Variants in CNTN5 observed in about 807,000 individuals in gnomAD.
CNTN5 encodes the protein contactin 5, also known as contactin-5.
CNTN5 carries 77 observed loss-of-function variants against 129.1 expected under a neutral mutation model. The ratio of observed to expected loss-of-function variants is 0.60; its 90% CI spans 0.50 to 0.72. CNTN5 has a LOEUF of 0.72. CNTN5 is among the 30% of genes least tolerant of loss of function. The pLI is 0.00. For missense variants in CNTN5, 1,478 were observed against 1,328.8 expected (o/e 1.11, Z -1.75); for synonymous variants, 509 against 465.6 (o/e 1.09, Z -1.20).
chr11:99,083,398 A>C (rs1201993887), intron 1 of CNTN5, among the ~76,000 whole-genome samples: 3 of 152,204 alleles, frequency 2.0e-5, no homozygotes, highest in Non-Finnish European at 4.4e-5. Flanking sequence ...ATCAGGTGGC[A>C]CTTCAGACGC....
At chr11:99,509,294 T>C (rs1946745351) in intron 2 of CNTN5, among the ~76,000 whole-genome samples, 1 of 152,144 alleles carries the variant, frequency 6.6e-6, no homozygotes, top group Non-Finnish European at 1.5e-5. Flanking sequence ...CAGGGTGTAC[T>C]AAAAAACTAA....
chr11:99,889,529 C>CTT (rs59095048), intron 6 of CNTN5, among the ~76,000 whole-genome samples: 10 of 128,274 alleles, frequency 7.8e-5, no homozygotes, highest in Non-Finnish European at 1.3e-4. Flanking sequence ...ACTAGACATT[C>CTT]TTTTTTTTTT....
At chr11:100,212,890 T>C (rs1178615935) in intron 15 of CNTN5, among the ~76,000 whole-genome samples, 1 of 152,120 alleles carries the variant, frequency 6.6e-6, no homozygotes, top group Admixed American at 6.6e-5. Flanking sequence ...CTCATAAATA[T>C]TGCAAACTTT....
At chr11:99,700,634 A>G (rs535468638) in intron 3 of CNTN5, among the ~76,000 whole-genome samples, 1 of 151,500 alleles carries the variant, frequency 6.6e-6, no homozygotes, top group South Asian at 2.1e-4. Context: ...TAAAAGCCTT[A>G]ATTTTGTCAT....
At chr11:99,509,089 G>T (rs1307180134) in intron 2 of CNTN5, among the ~76,000 whole-genome samples, 1 of 152,112 alleles carries the variant, frequency 6.6e-6, no homozygotes, top group Non-Finnish European at 1.5e-5. Context: ...GATATGGGGG[G>T]AATATATCTT....
At chr11:99,320,588 C>T (rs1374883809) in intron 1 of CNTN5, among the ~76,000 whole-genome samples, 1 of 151,306 alleles carries the variant, frequency 6.6e-6, no homozygotes, top group Non-Finnish European at 1.5e-5. Flanking sequence ...TTCTAAGGCA[C>T]AGAAAAAGAA....
rs140960652 is a variant in CNTN5 at position 100,036,007 on chromosome 11, G to A, written c.981-25205G>A. On this transcript the variant is annotated intron_variant, in intron 9 of 24. Transcript: ENST00000524871. ...TATGTCAATTTTGGCTTTTGGTGCC[G>A]TTGCTTTTGGTGTTTGAGACGTGAA... Among the ~76,000 whole-genome samples the A allele has an allele frequency of 8.5e-3, 1,295 of 152,146 alleles. 16 individuals carry two copies. Among genetic ancestry groups the A allele is most frequent in the African/African-American group, 0.028 (1,142 of 41,522 alleles).
intron 3 of CNTN5, among the ~76,000 whole-genome samples, chr11:99,699,329 A>G (rs1456855393): frequency 6.6e-6 from 1 of 151,512 alleles, no homozygotes; most frequent in African/African-American, 2.4e-5. Context: ...AACATCTAAA[A>G]AACTTTTTAA....
chr11:99,481,698 A>T (rs185539899), intron 2 of CNTN5, among the ~76,000 whole-genome samples: 3 of 152,222 alleles, frequency 2.0e-5, no homozygotes, highest in Admixed American at 6.5e-5. Flanking sequence ...CTAAGTGTTG[A>T]CAACCACCTT....
intron 1 of CNTN5, among the ~76,000 whole-genome samples, chr11:99,277,957 T>C (rs1397601564): frequency 6.6e-6 from 1 of 151,732 alleles, no homozygotes; most frequent in Admixed American, 6.6e-5. Flanking sequence ...GAGGAAGTTC[T>C]GATTATTGAG....
At chr11:99,422,533 TATATATATA>T (rs1281816512) in intron 2 of CNTN5, among the ~76,000 whole-genome samples, 1 of 56,240 alleles carries the variant, frequency 1.8e-5, no homozygotes, top group African/African-American at 6.9e-5. Flanking sequence ...TATATATATA[TATATATATA>T]TATATATATA....
intron 13 of CNTN5, among the ~76,000 whole-genome samples, chr11:100,080,051 G>A (rs1481709123): frequency 6.6e-6 from 1 of 152,084 alleles, no homozygotes; most frequent in Non-Finnish European, 1.5e-5. Context: ...TTTGATAAAG[G>A]TATAGTTTAT....
At chr11:99,287,240 T>A (rs762901833) in intron 1 of CNTN5, among the ~76,000 whole-genome samples, 4 of 152,138 alleles carry the variant, frequency 2.6e-5, no homozygotes, top group Non-Finnish European at 5.9e-5. Flanking sequence ...ATCCTTTCAA[T>A]TAGGAAATAC....
At chr11:99,511,229 T>A (rs1370198535) in intron 2 of CNTN5, among the ~76,000 whole-genome samples, 1 of 152,112 alleles carries the variant, frequency 6.6e-6, no homozygotes, top group Non-Finnish European at 1.5e-5. Context: ...TCCCAGAGAT[T>A]CTGGTATGTG....
intron 2 of CNTN5, among the ~76,000 whole-genome samples, chr11:99,422,085 G>T (rs191791616): frequency 6.6e-6 from 1 of 152,094 alleles, no homozygotes; most frequent in African/African-American, 2.4e-5. Context: ...AAGTCAGTGA[G>T]AGGCGGAAAT....
chr11:100,127,095 ATTTTTT>A (rs5794039), intron 13 of CNTN5, among the ~76,000 whole-genome samples: 7 of 85,608 alleles, frequency 8.2e-5, no homozygotes, highest in South Asian at 5.2e-4. Context: ...TGCGCAGCTA[ATTTTTT>A]TTTTTTTTTT....
At chr11:100,241,026 G>A (rs917057433) in intron 16 of CNTN5, among the ~76,000 whole-genome samples, 29 of 152,114 alleles carry the variant, frequency 1.9e-4, no homozygotes, top group African/African-American at 6.3e-4. Context: ...CCCAATATTG[G>A]ATTTATAGAA....
chr11:99,969,729 T>G, intron 8 of CNTN5, among the ~76,000 whole-genome samples: 1 of 152,178 alleles, frequency 6.6e-6, no homozygotes, highest in East Asian at 1.9e-4. Context: ...CATTTGTACC[T>G]TTCACTGTCT....
intron 3 of CNTN5, among the ~76,000 whole-genome samples, chr11:99,579,115 A>C (rs1949475686): frequency 6.6e-6 from 1 of 152,036 alleles, no homozygotes; most frequent in African/African-American, 2.4e-5. Flanking sequence ...TGTTTTTGTC[A>C]GGTTTGTCAA....
Sources: gnomAD v4.1 joint callset for allele counts (sites outside exome capture counted in the v4.1 genomes callset) on GRCh38, gnomAD v4.1.1 for gene constraint, MANE v1.5 for transcripts, NCBI Gene and HGNC (gene_info 2026-07-23, HGNC 2026-07-21) for gene names.